Variants in TMEM67 observed in about 807,000 individuals in gnomAD.
TMEM67 encodes meckelin.
A neutral mutation model predicts 136.6 loss-of-function variants in TMEM67; 124 were observed. That is an observed-to-expected ratio of 0.91 (90% CI 0.78 to 1.05). The LOEUF (loss-of-function observed/expected upper bound fraction) is 1.05, where lower values mean the gene tolerates loss of function less well. Among genes scored for constraint, TMEM67 ranks in the 50% least tolerant of loss-of-function variants. The probability of loss-of-function intolerance (pLI) is 0.00; values close to 1 mark genes in which losing one functional copy is unlikely to be tolerated. For missense variants in TMEM67, 1,107 were observed against 1,178.4 expected (o/e 0.94, Z 0.89); for synonymous variants, 364 against 390.5 (o/e 0.93, Z 0.80).
At chr8:93,797,969 C>A (rs1027523756) in intron 20 of TMEM67, among the ~76,000 whole-genome samples, 1 of 152,112 alleles carries the variant, frequency 6.6e-6, no homozygotes, top group African/African-American at 2.4e-5. Flanking sequence ...GCAGAAAGAG[C>A]AAAACTCCAT....
At chr8:93,825,250 A>G in the TMEM67 span, among the ~76,000 whole-genome samples, 1 of 152,246 alleles carries the variant, frequency 6.6e-6, no homozygotes, top group East Asian at 1.9e-4. Context: ...AGGTGAGTAT[A>G]GGTGCGACAT....
At position 93,781,736 on chromosome 8, in the gene TMEM67, G is replaced by A; in HGVS notation, c.1057G>A (p.Val353Ile). 6.3e-7 allele frequency: 1 copy of A among 1,596,264 alleles called. No homozygotes were observed. Among genetic ancestry groups the A allele is most frequent in the Non-Finnish European group, 8.6e-7 (1 of 1,165,264 alleles). Residue 353 changes from valine to isoleucine, a missense_variant, in exon 10 of 28, where the codon GTT (valine) becomes ATT (isoleucine). Around this residue, in one of 3 missense-constraint regions of TMEM67, gnomAD observed 925 missense variants for 1,002.4 expected, o/e 0.92. Coordinates refer to ENST00000453321, the MANE Select transcript of TMEM67 (RefSeq NM_153704.6). The stretch of plus-strand genomic sequence containing the variant: ...CAAGTGGCAAACTTTAGAAGGAGGT[G>A]TTTTACAGGTAAGCATGATTCTAGT... ...FLKWQTLEGG[V>I]LQLCPDTETR...
At chr8:93,801,453 G>C (rs559620677) in intron 21 of TMEM67, among the ~76,000 whole-genome samples, 1 of 149,856 alleles carries the variant, frequency 6.7e-6, no homozygotes, top group East Asian at 2.0e-4. Flanking sequence ...CCAGGCTGTA[G>C]TGCAGTGGCG....
chr8:93,797,303 CTT>C, intron 19 of TMEM67, 26 bp from the exon 20 acceptor site: 1 of 1,614,014 alleles, frequency 6.2e-7, no homozygotes, highest in Non-Finnish European at 8.5e-7. Flanking sequence ...AGGTAAAACT[CTT>C]TTACTCATTT....
intron 23 of TMEM67, among the ~76,000 whole-genome samples, chr8:93,807,131 C>CT (rs1203938294): frequency 6.6e-6 from 1 of 152,022 alleles, no homozygotes; most frequent in African/African-American, 2.4e-5. Context: ...AAAGCTAATA[C>CT]TTAATAGCAT....
Position 93,815,433 on chromosome 8 carries a change from T to C in TMEM67, c.2893T>C (p.Tyr965His), listed in dbSNP as rs774777027. The C allele has an allele frequency of 6.2e-7, 1 of 1,612,724 alleles. No homozygotes were observed. Among genetic ancestry groups the C allele is most frequent in the Non-Finnish European group, 8.5e-7 (1 of 1,179,620 alleles). The change falls in exon 27 of 28, where the codon TAT becomes CAT. Residue 965 changes from tyrosine to histidine, a missense_variant. This residue lies in a region of TMEM67 where 925 missense variants were observed against 1,002.4 expected (regional missense o/e 0.92). Transcript: ENST00000453321. The part of the protein sequence containing the change: ...QNFILASFLT[Y>H]LQQEIFRYIR... The stretch of plus-strand genomic sequence containing the variant: ...TTTTATTTTAGCATCCTTCCTTACA[T>C]ATCTACAACAAGAGGTAAACTTTTA...
At chr8:93,780,400 G>A (rs1202434993) in intron 7 of TMEM67, among the ~76,000 whole-genome samples, 193 bp from the exon 8 acceptor site, 2 of 152,082 alleles carry the variant, frequency 1.3e-5, no homozygotes, top group African/African-American at 4.8e-5. Context: ...GTCCCAATGA[G>A]ATGAACCAGG....
intron 17 of TMEM67, 138 bp downstream of exon 17, chr8:93,795,645 G>C (rs1814578673): frequency 1.3e-6 from 1 of 769,088 alleles, no homozygotes; most frequent in East Asian, 2.6e-5. Flanking sequence ...CATTCCTTGA[G>C]TGTGCTGAGC....
At chr8:93,823,898 A>G (rs1199145219), downstream of TMEM67, among the ~76,000 whole-genome samples, 3 of 148,638 alleles carry the variant, frequency 2.0e-5, no homozygotes, top group African/African-American at 7.5e-5. Context: ...CTCATTTTTT[A>G]GAGCCTCTCT....
At chr8:93,788,075 A>G (rs1814198079) in intron 14 of TMEM67, 126 bp downstream of exon 14, 2 of 714,912 alleles carry the variant, frequency 2.8e-6, no homozygotes, top group Non-Finnish European at 2.5e-6. Context: ...TTCTCTACAT[A>G]TAGTCAAGTC....
chr8:93,824,142 G>C (rs1809078567), downstream of TMEM67, among the ~76,000 whole-genome samples: 1 of 152,158 alleles, frequency 6.6e-6, no homozygotes, highest in Non-Finnish European at 1.5e-5. Flanking sequence ...TTTAAAAAAA[G>C]ATTTTAAAAT....
the TMEM67 span, among the ~76,000 whole-genome samples, chr8:93,829,380 CTCTGTGTG>C: frequency 9.3e-5 from 14 of 150,262 alleles, no homozygotes; most frequent in Admixed American, 2.6e-4. Context: ...CTCTCTCTCT[CTCTGTGTG>C]TGTGTGTGTG....
chr8:93,795,445 C>T lies in TMEM67; in HGVS notation c.1711C>T (p.Leu571=). The T allele has an allele frequency of 6.2e-7, 1 of 1,613,988 alleles. No individual in the cohort carries two copies. The highest frequency in any genetic ancestry group is 8.5e-7 in the Non-Finnish European group (1 of 1,179,968). The stretch of plus-strand genomic sequence containing the variant: ...ATTCTTGGTGTACTATGCTGGTGAT[C>T]TGGCCAATGTTTTCTTTATCATCAC... ...VKFLVYYAGD[L]ANVFFIITVG... Residue 571 remains leucine (L), a synonymous_variant, in exon 17 of 28, where the codon CTG becomes TTG. Transcript: ENST00000453321.
At chr8:93,755,964 C>A in intron 2 of TMEM67, 98 bp downstream of exon 2, 1 of 734,050 alleles carries the variant, frequency 1.4e-6, no homozygotes, top group Non-Finnish European at 2.2e-6. Flanking sequence ...TGTTTCCCCA[C>A]AGACTTTAAA....
chr8:93,765,413 C>G lies in TMEM67; in HGVS notation c.514C>G (p.Arg172Gly). Residue 172 changes from arginine (R) to glycine (G), a missense_variant, in exon 5 of 28, where the codon CGA (arginine) becomes GGA (glycine). Physicochemically the swap from Arg to Gly is moderately radical, Grantham distance 125. Transcript: ENST00000453321. Reference protein sequence around the residue: ...VVNALGDRCVRCEPTFVNTSR... With the variant: ...VVNALGDRCVGCEPTFVNTSR... ...TTTTGTTATATTGAACAGGTGCGTC[C>G]GATGTGAGCCAACATTTGTTAATAC... The G allele has an allele frequency of 6.2e-7, 1 of 1,611,010 alleles. No homozygotes were observed. Among genetic ancestry groups the G allele is most frequent in the Non-Finnish European group, 8.5e-7 (1 of 1,179,264 alleles).
chr8:93,759,035 TTAACA>T (rs1472882048), intron 3 of TMEM67: 1 of 153,152 alleles, frequency 6.5e-6, no homozygotes, highest in Non-Finnish European at 1.5e-5. Flanking sequence ...GGTTATTTCC[TTAACA>T]TAACATGACA....
chr8:93,815,570 A>G (rs770131119), intron 27 of TMEM67, 123 bp downstream of exon 27: 1 of 884,350 alleles, frequency 1.1e-6, no homozygotes, highest in Non-Finnish European at 1.8e-6. Context: ...AAAGGTTTAG[A>G]ATATGACTAA....
chr8:93,756,127 A>G (rs1812562612), intron 2 of TMEM67: 1 of 345,984 alleles, frequency 2.9e-6, no homozygotes. Flanking sequence ...TTTTACTCGT[A>G]GAATAACTCG....
At chr8:93,808,766 A>T (rs1808567915) in intron 23 of TMEM67, 74 bp from the exon 24 acceptor site, 4 of 900,442 alleles carry the variant, frequency 4.4e-6, no homozygotes, top group Non-Finnish European at 7.5e-6. Context: ...GCTAAAAAAA[A>T]GTTCTGTATT....
Sources: gnomAD v4.1 joint callset for allele counts (sites outside exome capture counted in the v4.1 genomes callset) on GRCh38, gnomAD v4.1.1 for gene constraint, gnomAD v4.1.1 regional missense constraint, MANE v1.5 for transcripts, NCBI Gene and HGNC (gene_info 2026-07-23, HGNC 2026-07-21) for gene names.